CDC73: variants seen among roughly 807,000 people sequenced by gnomAD.
CDC73 encodes parafibromin.
Under a neutral mutation model 83.7 loss-of-function variants are expected in CDC73, and 21 were observed. The ratio of observed to expected loss-of-function variants is 0.25; its 90% CI spans 0.18 to 0.36. The LOEUF is 0.36. CDC73 is among the 10% of genes least tolerant of loss of function. CDC73 has a pLI of 1.00. For missense variants in CDC73, 342 were observed against 653.3 expected (o/e 0.52, Z 5.19); for synonymous variants, 224 against 212.9 (o/e 1.05, Z -0.45).
chr1:193,148,535 C>A (rs1676048577), intron 8 of CDC73, among the ~76,000 whole-genome samples: 1 of 151,576 alleles, frequency 6.6e-6, no homozygotes, highest in African/African-American at 2.4e-5. Flanking sequence ...GAAAATCCTT[C>A]CAGCTATTTT....
intron 15 of CDC73, among the ~76,000 whole-genome samples, chr1:193,242,038 T>C (rs1344370793): frequency 6.6e-6 from 1 of 150,498 alleles, no homozygotes; most frequent in African/African-American, 2.4e-5. Flanking sequence ...AATACGTGAC[T>C]GTTGGAGTTG....
chr1:193,177,025 T>C (rs1264524875), intron 10 of CDC73, among the ~76,000 whole-genome samples: 1 of 152,148 alleles, frequency 6.6e-6, no homozygotes, highest in African/African-American at 2.4e-5. Flanking sequence ...GGATCAGATA[T>C]ACTCTCTTTT....
chr1:193,169,293 C>T (rs986138332), intron 10 of CDC73, among the ~76,000 whole-genome samples: 2 of 152,236 alleles, frequency 1.3e-5, no homozygotes, highest in Non-Finnish European at 2.9e-5. Flanking sequence ...ACCTGTAATC[C>T]TAGCACTTGG....
At chr1:193,123,017 G>T (rs892171702) in intron 1 of CDC73, among the ~76,000 whole-genome samples, 1 of 152,176 alleles carries the variant, frequency 6.6e-6, no homozygotes, top group Non-Finnish European at 1.5e-5. Flanking sequence ...GTTGGTCCAT[G>T]TGAAGTTTTA....
At chr1:193,198,894 A>G (rs1488122565) in intron 10 of CDC73, among the ~76,000 whole-genome samples, 1 of 152,256 alleles carries the variant, frequency 6.6e-6, no homozygotes, top group Non-Finnish European at 1.5e-5. Context: ...CAATAGATAC[A>G]ACATCTACCT....
At chr1:193,241,677 G>A (rs1441525194) in intron 15 of CDC73, among the ~76,000 whole-genome samples, 1 of 152,216 alleles carries the variant, frequency 6.6e-6, no homozygotes, top group East Asian at 1.9e-4. Context: ...GGTGGTAGTG[G>A]CAGGTTGGTT....
chr1:193,159,191 TAAAAG>T (rs942924688), intron 10 of CDC73, among the ~76,000 whole-genome samples: 11 of 152,130 alleles, frequency 7.2e-5, no homozygotes, highest in Non-Finnish European at 1.3e-4. Context: ...ATAAGGGAGA[TAAAAG>T]AGAGAACTTT....
chr1:193,236,679 TAGGTCGGG>T, intron 15 of CDC73: 1 of 342,608 alleles, frequency 2.9e-6, no homozygotes, highest in South Asian at 2.5e-5. Context: ...TGGATCACCT[TAGGTCGGG>T]AGGTCGAGAC....
At chr1:193,210,074 A>C (rs1677251349) in intron 11 of CDC73, among the ~76,000 whole-genome samples, 1 of 152,120 alleles carries the variant, frequency 6.6e-6, no homozygotes, top group South Asian at 2.1e-4. Flanking sequence ...CATTTCTCAA[A>C]TTGATTTAAG....
chr1:193,158,094 A>G (rs1288394351), intron 10 of CDC73, among the ~76,000 whole-genome samples: 2 of 151,032 alleles, frequency 1.3e-5, no homozygotes, highest in Non-Finnish European at 3.0e-5. Flanking sequence ...TATTATATTT[A>G]TTAATATATG....
chr1:193,236,390 T>G, intron 15 of CDC73, 34 bp downstream of exon 15: 6 of 1,278,358 alleles, frequency 4.7e-6, no homozygotes, highest in Non-Finnish European at 6.9e-6. Context: ...GTATCCAGTA[T>G]AGAAATGTTC....
intron 11 of CDC73, among the ~76,000 whole-genome samples, chr1:193,204,190 C>T (rs1035535706): frequency 4.9e-5 from 6 of 123,282 alleles, no homozygotes; most frequent in South Asian, 3.1e-4. Context: ...TATACACACA[C>T]ACACATATAT....
intron 3 of CDC73, among the ~76,000 whole-genome samples, chr1:193,130,591 C>G (rs1003876980): frequency 7.2e-5 from 11 of 152,108 alleles, no homozygotes; most frequent in Admixed American, 5.2e-4. Flanking sequence ...TTTTTGATCC[C>G]ACATTCCTAC....
intron 10 of CDC73, among the ~76,000 whole-genome samples, chr1:193,196,108 A>G (rs1195270834): frequency 2.0e-5 from 3 of 152,096 alleles, no homozygotes; most frequent in Non-Finnish European, 2.9e-5. Context: ...TTCTTCTAAG[A>G]GTTTTATAGT....
chr1:193,210,678 C>T (rs999870049), intron 11 of CDC73, among the ~76,000 whole-genome samples: 1 of 152,020 alleles, frequency 6.6e-6, no homozygotes, highest in Non-Finnish European at 1.5e-5. Context: ...AGCTTGAGCT[C>T]AGGAGTTCGA....
In CDC73 at chr1:193,249,781, A is replaced by G. The variant is rs2102073385; in HGVS notation, c.1469A>G (p.Gln490Arg). 1.2e-6 allele frequency: 2 copies of G among 1,610,910 alleles called. No individual in the cohort carries two copies. The highest frequency in any genetic ancestry group is 1.7e-6 in the Non-Finnish European group (2 of 1,177,330). ...YDEVRLDPNV[Q>R]KWDVTVLELS... ...GAAGTTCGTCTGGATCCAAATGTTCAGAAATGGGATGTAACAGTATTAGAA... is the reference window on the plus strand; with the variant it reads ...GAAGTTCGTCTGGATCCAAATGTTCGGAAATGGGATGTAACAGTATTAGAA... The change falls in exon 16 of 17, where the codon CAG (glutamine) becomes CGG (arginine). Residue 490 changes from glutamine to arginine, a missense_variant. Physicochemically the swap from Gln to Arg is conservative, Grantham distance 43. Coordinates refer to ENST00000367435, the MANE Select transcript of CDC73 (RefSeq NM_024529.5).
At chr1:193,216,389 G>C (rs748099361) in intron 13 of CDC73, among the ~76,000 whole-genome samples, 9 of 152,126 alleles carry the variant, frequency 5.9e-5, no homozygotes, top group Non-Finnish European at 8.8e-5. Context: ...GATTGATTTA[G>C]GAAGGAATTG....
intron 13 of CDC73, among the ~76,000 whole-genome samples, chr1:193,227,638 T>C (rs1351705247): frequency 6.6e-6 from 1 of 152,210 alleles, no homozygotes; most frequent in Non-Finnish European, 1.5e-5. Flanking sequence ...GAAATACATA[T>C]GGCTTAACTT....
At chr1:193,188,190 G>A (rs150455005) in intron 10 of CDC73, among the ~76,000 whole-genome samples, 66 of 152,246 alleles carry the variant, frequency 4.3e-4, no homozygotes, top group African/African-American at 1.3e-3. Flanking sequence ...GAGCTGTTAT[G>A]CAAATGGCTC....
Sources: allele counts gnomAD v4.1 joint callset (sites outside exome capture counted in the v4.1 genomes callset), GRCh38; gene constraint gnomAD v4.1.1; transcripts MANE v1.5; gene names NCBI Gene and HGNC (gene_info 2026-07-23, HGNC 2026-07-21).